Variants in MACROD2 observed in about 807,000 individuals in gnomAD.
MACROD2 encodes ADP-ribose glycohydrolase MACROD2.
A neutral mutation model predicts 70.4 loss-of-function variants in MACROD2; 36 were observed. The observed-to-expected ratio is 0.51, with a 90% CI of 0.39 to 0.68. The LOEUF is 0.68. Ranked by LOEUF, MACROD2 falls within the 30% of genes least tolerant of loss-of-function variation. The pLI is 0.00. For synonymous variants in MACROD2, 172 were observed against 178.8 expected (o/e 0.96, Z 0.30); for missense variants, 496 against 538.4 (o/e 0.92, Z 0.78).
chr20:14,974,543 T>A (rs2074720985), intron 5 of MACROD2, among the ~76,000 whole-genome samples: 1 of 152,136 alleles, frequency 6.6e-6, no homozygotes, highest in Non-Finnish European at 1.5e-5. Flanking sequence ...CCTTAGTGGC[T>A]GATTTTATAC....
chr20:14,862,298 T>C (rs1311234739), intron 5 of MACROD2, among the ~76,000 whole-genome samples: 1 of 26,626 alleles, frequency 3.8e-5, no homozygotes, highest in East Asian at 3.1e-3. Context: ...TTTATATAAA[T>C]ATATATAAAT....
chr20:15,672,891 T>C (rs1438770093), intron 8 of MACROD2, among the ~76,000 whole-genome samples: 1 of 152,132 alleles, frequency 6.6e-6, no homozygotes, highest in Non-Finnish European at 1.5e-5. Flanking sequence ...GTCTTTGCCA[T>C]GCTGTTCTTG....
intron 8 of MACROD2, chr20:15,619,449 T>C: frequency 3.9e-6 from 1 of 259,072 alleles, no homozygotes. Context: ...AGGATCAGCA[T>C]CTCAGGATCT....
chr20:15,161,718 A>T (rs1352300381), intron 5 of MACROD2, among the ~76,000 whole-genome samples: 2 of 152,066 alleles, frequency 1.3e-5, no homozygotes, highest in East Asian at 3.9e-4. Flanking sequence ...TCAATAAAAG[A>T]AGAAAATCCA....
intron 6 of MACROD2, among the ~76,000 whole-genome samples, chr20:15,345,222 CAT>C (rs1224015254): frequency 1.3e-5 from 2 of 152,168 alleles, no homozygotes; most frequent in Non-Finnish European, 2.9e-5. Context: ...TTTGGGATGA[CAT>C]AGTTATTTAG....
intron 3 of MACROD2, among the ~76,000 whole-genome samples, chr20:14,443,857 G>A (rs529946814): frequency 5.2e-4 from 79 of 152,200 alleles, no homozygotes; most frequent in African/African-American, 1.8e-3. Flanking sequence ...TGCCTTGCAG[G>A]ATTACTGTCA....
chr20:15,554,798 T>C (rs569997972), intron 8 of MACROD2, among the ~76,000 whole-genome samples: 15 of 152,202 alleles, frequency 9.9e-5, no homozygotes, highest in Non-Finnish European at 2.2e-4. Flanking sequence ...TTCTGAACGC[T>C]GAATAAAAAT....
At chr20:15,888,548 T>C (rs1568619629) in intron 10 of MACROD2, among the ~76,000 whole-genome samples, 2 of 152,162 alleles carry the variant, frequency 1.3e-5, no homozygotes, top group Non-Finnish European at 2.9e-5. Flanking sequence ...AACCACTGAA[T>C]GATTTTAAGG....
intron 5 of MACROD2, among the ~76,000 whole-genome samples, chr20:15,183,851 C>A (rs2076517174): frequency 6.6e-6 from 1 of 152,184 alleles, no homozygotes; most frequent in African/African-American, 2.4e-5. Context: ...CTACCTGGAA[C>A]AAGATGAGGA....
At chr20:15,538,723 G>C (rs982052982) in intron 8 of MACROD2, among the ~76,000 whole-genome samples, 1 of 152,098 alleles carries the variant, frequency 6.6e-6, no homozygotes, top group South Asian at 2.1e-4. Flanking sequence ...TTTTGAATGA[G>C]AGTAAGCAAA....
intron 8 of MACROD2, among the ~76,000 whole-genome samples, chr20:15,779,635 T>A (rs545444500): frequency 1.2e-4 from 19 of 152,284 alleles, no homozygotes; most frequent in Admixed American, 7.8e-4. Context: ...AGGTTGTTTG[T>A]TTGTTTCTTT....
At chr20:14,709,965 A>G (rs554239273) in intron 5 of MACROD2, among the ~76,000 whole-genome samples, 7 of 152,314 alleles carry the variant, frequency 4.6e-5, no homozygotes, top group Admixed American at 4.6e-4. Flanking sequence ...GTTTATAAAC[A>G]TATTTTCTAA....
intron 5 of MACROD2, among the ~76,000 whole-genome samples, chr20:14,786,984 T>G (rs1174169463): frequency 6.6e-6 from 1 of 152,062 alleles, no homozygotes; most frequent in East Asian, 1.9e-4. Flanking sequence ...ATAGGCAATT[T>G]CTAAGGAGGT....
At chr20:15,069,299 G>C (rs2075601083) in intron 5 of MACROD2, among the ~76,000 whole-genome samples, 1 of 152,186 alleles carries the variant, frequency 6.6e-6, no homozygotes, top group Non-Finnish European at 1.5e-5. Flanking sequence ...ATGAGAAGCA[G>C]AGCTTAAAAA....
At chr20:14,319,073 T>G (rs759163154) in intron 3 of MACROD2, among the ~76,000 whole-genome samples, 4 of 152,252 alleles carry the variant, frequency 2.6e-5, no homozygotes, top group Non-Finnish European at 4.4e-5. Context: ...ACTATGCTTC[T>G]GTCATCATTA....
intron 8 of MACROD2, among the ~76,000 whole-genome samples, chr20:15,569,137 T>A (rs984399723): frequency 6.6e-6 from 1 of 152,176 alleles, no homozygotes; most frequent in African/African-American, 2.4e-5. Flanking sequence ...AATGGTTCTA[T>A]CCCTCAGTTT....
Position 15,961,812 on chromosome 20 carries a change from G to A in MACROD2, c.908-5741G>A, listed in dbSNP as rs139871899. ...ACCATAGATACTTCTCACACCCATG[G>A]CCTGGTAAGATTTTATTTTTTAATG... is the stretch of plus-strand genomic sequence containing the variant. On this transcript the variant is annotated intron_variant, in intron 12 of 17. Coordinates refer to ENST00000684519, the MANE Select transcript of MACROD2 (RefSeq NM_001351661.2). Among the ~76,000 whole-genome samples, 268 of 152,224 alleles carry A rather than the reference G, an allele frequency of 1.8e-3. 1 individual carries two copies. The highest frequency in any genetic ancestry group is 6.2e-3 in the African/African-American group (257 of 41,550).
chr20:15,238,427 C>T (rs182855704), intron 6 of MACROD2, among the ~76,000 whole-genome samples: 267 of 151,992 alleles, frequency 1.8e-3, no homozygotes, highest in South Asian at 0.017. Flanking sequence ...ATGCAAATTA[C>T]GGAAGAGTTG....
At chr20:14,315,257 G>A (rs972824875) in intron 3 of MACROD2, among the ~76,000 whole-genome samples, 12 of 152,150 alleles carry the variant, frequency 7.9e-5, no homozygotes, top group Non-Finnish European at 1.2e-4. Context: ...TGTGAACTGG[G>A]AAGTAAGGGA....
Sources: gnomAD v4.1 joint callset for allele counts (sites outside exome capture counted in the v4.1 genomes callset) on GRCh38, gnomAD v4.1.1 for gene constraint, MANE v1.5 for transcripts, NCBI Gene and HGNC (gene_info 2026-07-23, HGNC 2026-07-21) for gene names.